The following FAR2 variants were observed in gnomAD, a reference collection of about 807,000 sequenced individuals.
FAR2 encodes epididymis secretory protein Li 81.
In FAR2, 19 loss-of-function variants were observed where a neutral mutation model predicts 56.0. The ratio of observed to expected loss-of-function variants is 0.34; its 90% CI spans 0.24 to 0.50. The LOEUF (loss-of-function observed/expected upper bound fraction) is 0.50, where lower values mean the gene tolerates loss of function less well. Among genes scored for constraint, FAR2 ranks in the 20% least tolerant of loss-of-function variants. FAR2 has a pLI of 0.98. For synonymous variants in FAR2, 219 were observed against 218.8 expected (o/e 1.00, Z -0.01); for missense variants, 508 against 642.2 (o/e 0.79, Z 2.26).
chr12:29,309,348 T>C (rs1949307791), intron 6 of FAR2, 118 bp downstream of exon 6: 3 of 727,162 alleles, frequency 4.1e-6, no homozygotes, highest in South Asian at 3.4e-5. Context: ...TACTAATAAC[T>C]GAGGCATATT....
At chr12:29,273,699 A>G (rs75800417) in intron 2 of FAR2, among the ~76,000 whole-genome samples, 10,300 of 152,302 alleles carry the variant, frequency 0.068, 406 homozygotes, top group South Asian at 0.12. Context: ...CCAGGAGTTC[A>G]GTAGGCTTAA....
At chr12:29,239,157 G>T (rs1251426371) in intron 1 of FAR2, among the ~76,000 whole-genome samples, 2 of 152,108 alleles carry the variant, frequency 1.3e-5, no homozygotes, top group African/African-American at 4.8e-5. Context: ...CTGTATTGTT[G>T]TTAGAAGCAA....
At chr12:29,201,106 A>AGGG (rs1023846204) in intron 1 of FAR2, among the ~76,000 whole-genome samples, 21 of 152,148 alleles carry the variant, frequency 1.4e-4, no homozygotes, top group African/African-American at 4.3e-4. Flanking sequence ...GATGCCCTAT[A>AGGG]CATCATCTTC....
chr12:29,287,567 A>G (rs570338101), intron 2 of FAR2, among the ~76,000 whole-genome samples: 62 of 152,316 alleles, frequency 4.1e-4, no homozygotes, highest in African/African-American at 1.4e-3. Context: ...TGGGACACCA[A>G]ATATTCCACA....
At chr12:29,273,191 G>T (rs770059665) in intron 2 of FAR2, among the ~76,000 whole-genome samples, 2 of 152,166 alleles carry the variant, frequency 1.3e-5, no homozygotes, top group Non-Finnish European at 2.9e-5. Context: ...TCACTGGGGG[G>T]AAACCCACTT....
intron 10 of FAR2, among the ~76,000 whole-genome samples, chr12:29,330,255 C>T (rs1325797813): frequency 5.9e-5 from 9 of 151,914 alleles, no homozygotes; most frequent in Non-Finnish European, 8.8e-5. Flanking sequence ...CGGGGTATCA[C>T]GATATTGGTC....
At chr12:29,258,208 A>T (rs906054635) in intron 1 of FAR2, among the ~76,000 whole-genome samples, 3 of 150,846 alleles carry the variant, frequency 2.0e-5, no homozygotes, top group Non-Finnish European at 4.4e-5. Flanking sequence ...TGCAAAAATT[A>T]GCCAGGCGTA....
At chr12:29,257,914 A>T (rs940270929) in intron 1 of FAR2, among the ~76,000 whole-genome samples, 5 of 152,218 alleles carry the variant, frequency 3.3e-5, no homozygotes, top group Non-Finnish European at 1.5e-5. Flanking sequence ...GAGACATCAC[A>T]CCCTACCTAA....
chr12:29,254,167 G>A (rs1289171811), intron 1 of FAR2, among the ~76,000 whole-genome samples: 2 of 152,110 alleles, frequency 1.3e-5, no homozygotes, highest in Non-Finnish European at 2.9e-5. Flanking sequence ...TCCCCTGGGA[G>A]TTAATATTCC....
chr12:29,289,248 A>G (rs748115968), intron 2 of FAR2, among the ~76,000 whole-genome samples: 17 of 152,196 alleles, frequency 1.1e-4, no homozygotes, highest in Non-Finnish European at 2.4e-4. Flanking sequence ...TAACCTGAGC[A>G]AAAAAGAATA....
chr12:29,311,189 A>C (rs530954747), intron 7 of FAR2, 43 bp downstream of exon 7: 1 of 1,359,830 alleles, frequency 7.4e-7, no homozygotes, highest in Non-Finnish European at 1.1e-6. Flanking sequence ...CATGAGGGGC[A>C]GAGTGAATAT....
chr12:29,314,151 G>A (rs1369709519), intron 8 of FAR2, among the ~76,000 whole-genome samples: 1 of 152,160 alleles, frequency 6.6e-6, no homozygotes, highest in African/African-American at 2.4e-5. Flanking sequence ...CTTTCTACAT[G>A]TGCATGAATT....
Position 29,333,848 on chromosome 12 carries a change from C to T in FAR2, c.*54C>T, listed in dbSNP as rs1949765087. 6.7e-7 allele frequency: 1 copy of T among 1,502,190 alleles called. No homozygotes were observed. Among genetic ancestry groups the T allele is most frequent in the Non-Finnish European group, 9.1e-7 (1 of 1,095,526 alleles). 93.1% of individuals were successfully genotyped at this position (1,502,190 alleles called of 1,614,324 possible). ...AACCTCTCAGATACCTCTAAAACAG[C>T]AAACTGTGATTCTCAAGATTAGAAA... On this transcript the variant is annotated 3_prime_UTR_variant, in exon 12 of 12. Transcript: ENST00000536681.
chr12:29,266,898 C>G lies in FAR2; in HGVS notation c.-38-3514C>G, dbSNP rs559114952. On this transcript the variant is annotated intron_variant, in intron 1 of 11. Coordinates refer to ENST00000536681, the MANE Select transcript of FAR2 (RefSeq NM_001271783.2). ...TGTGTCTGGGGTCAAAATATCCTAA[C>G]AGTATATTTGCATTTCTAGAAAATA... 2.0e-5 allele frequency among the ~76,000 whole-genome samples: 3 copies of G among 152,206 alleles called. 1 individual carries two copies. The East Asian group carries it at 5.8e-4, about 29-fold the overall frequency.
At position 29,166,823 on chromosome 12, in the gene FAR2, T is replaced by G. The variant is rs1008058927; in HGVS notation, c.-39+17416T>G. On this transcript the variant is annotated intron_variant, in intron 1 of 11. Transcript: ENST00000536681. The stretch of plus-strand genomic sequence containing the variant: ...TTCTTTACTTCCAGCTCTCTTAGTT[T>G]CTTTCTCCCCCTATAGCTATGGTTC... 3.3e-5 allele frequency among the ~76,000 whole-genome samples: 5 copies of G among 152,334 alleles called. No individual in the cohort carries two copies. In the South Asian group the frequency reaches 8.3e-4, roughly 25 times the overall value.
At chr12:29,204,097 T>A (rs1447488324) in intron 1 of FAR2, among the ~76,000 whole-genome samples, 1 of 151,058 alleles carries the variant, frequency 6.6e-6, no homozygotes, top group Non-Finnish European at 1.5e-5. Context: ...GATTTTGTAA[T>A]CAATAACTTG....
intron 1 of FAR2, among the ~76,000 whole-genome samples, chr12:29,179,477 C>A (rs934052737): frequency 2.6e-5 from 4 of 152,160 alleles, no homozygotes; most frequent in Non-Finnish European, 2.9e-5. Flanking sequence ...AAGCAACAAG[C>A]CAGGCATGAG....
At chr12:29,271,494 A>C (rs1390939036) in intron 2 of FAR2, among the ~76,000 whole-genome samples, 1 of 152,250 alleles carries the variant, frequency 6.6e-6, no homozygotes, top group African/African-American at 2.4e-5. Context: ...GGGTGACATA[A>C]GATTGGCAAT....
intron 1 of FAR2, among the ~76,000 whole-genome samples, chr12:29,161,465 TTGTG>T (rs1056382236): frequency 6.6e-6 from 1 of 152,250 alleles, no homozygotes; most frequent in African/African-American, 2.4e-5. Context: ...TTTCAAATTA[TTGTG>T]TGTATTTGTA....
Sources: gnomAD v4.1 joint callset for allele counts (sites outside exome capture counted in the v4.1 genomes callset) on GRCh38, gnomAD v4.1.1 for gene constraint, MANE v1.5 for transcripts, NCBI Gene and HGNC (gene_info 2026-07-23, HGNC 2026-07-21) for gene names.